The following DGKB variants were observed in gnomAD, a reference collection of about 807,000 sequenced individuals.
The protein encoded by DGKB is 90 kDa diacylglycerol kinase.
In DGKB, 67 loss-of-function variants were observed where a neutral mutation model predicts 114.3. The ratio of observed to expected loss-of-function variants is 0.59; its 90% CI spans 0.48 to 0.72. The LOEUF (loss-of-function observed/expected upper bound fraction) is 0.72, where lower values mean the gene tolerates loss of function less well. Ranked by LOEUF, DGKB falls within the 30% of genes least tolerant of loss-of-function variation. The pLI, the probability that DGKB is intolerant of heterozygous loss-of-function variation, is 0.00. For synonymous variants in DGKB, 398 were observed against 323.1 expected, an observed-to-expected ratio of 1.23 and a Z score of -2.49; for missense variants, 907 against 975.2, an observed-to-expected ratio of 0.93 and a Z score of 0.93.
intron 23 of DGKB, among the ~76,000 whole-genome samples, chr7:14,214,666 A>G (rs1788676076): frequency 6.6e-6 from 1 of 152,142 alleles, no homozygotes; most frequent in Admixed American, 6.6e-5. Flanking sequence ...GCTCTCTCCT[A>G]TTACATAATT....
intron 23 of DGKB, among the ~76,000 whole-genome samples, chr7:14,303,228 TA>T (rs1803861799): frequency 6.6e-6 from 1 of 152,186 alleles, no homozygotes; most frequent in African/African-American, 2.4e-5. Flanking sequence ...AAAGTTTTCG[TA>T]ATGATACAAG....
chr7:14,413,079 G>T (rs542629649), intron 21 of DGKB, among the ~76,000 whole-genome samples: 2 of 152,196 alleles, frequency 1.3e-5, no homozygotes, highest in East Asian at 3.9e-4. Context: ...GGAGTGAAAT[G>T]GAATGAAGTG....
intron 1 of DGKB, among the ~76,000 whole-genome samples, chr7:14,948,293 T>C (rs1357126026): frequency 6.6e-6 from 1 of 151,840 alleles, no homozygotes; most frequent in Non-Finnish European, 1.5e-5. Flanking sequence ...GAATTTTCCT[T>C]GTAAAATTTC....
intron 1 of DGKB, among the ~76,000 whole-genome samples, chr7:14,924,362 T>A (rs953282521): frequency 1.3e-5 from 2 of 152,210 alleles, no homozygotes; most frequent in Admixed American, 6.5e-5. Context: ...AATTTCACTA[T>A]GAAATTGGTT....
At chr7:14,819,622 G>A (rs1019737560) in intron 2 of DGKB, among the ~76,000 whole-genome samples, 4 of 152,020 alleles carry the variant, frequency 2.6e-5, no homozygotes, top group Non-Finnish European at 2.9e-5. Context: ...AATAATAATT[G>A]CTAGTACTAC....
chr7:14,305,912 G>C (rs1208060234), intron 23 of DGKB, among the ~76,000 whole-genome samples: 1 of 152,122 alleles, frequency 6.6e-6, no homozygotes, highest in Admixed American at 6.5e-5. Context: ...TTTTCCAAAA[G>C]ATTAATGTTG....
At chr7:14,776,539 C>T (rs1205741241) in intron 2 of DGKB, among the ~76,000 whole-genome samples, 3 of 152,176 alleles carry the variant, frequency 2.0e-5, no homozygotes, top group African/African-American at 7.2e-5. Flanking sequence ...CTAAAAGGGG[C>T]CAAGGTATGA....
chr7:14,474,645 TC>T (rs1781900050), intron 21 of DGKB, among the ~76,000 whole-genome samples: 3 of 152,084 alleles, frequency 2.0e-5, no homozygotes, highest in African/African-American at 7.2e-5. Flanking sequence ...ATTATTAATA[TC>T]CTTTTTTTCA....
At chr7:14,668,155 A>G (rs1818362098) in intron 13 of DGKB, among the ~76,000 whole-genome samples, 2 of 152,098 alleles carry the variant, frequency 1.3e-5, no homozygotes, top group African/African-American at 2.4e-5. Context: ...GTTGGGGTGT[A>G]CAGAAAGGAG....
In DGKB at chr7:14,504,276, T is replaced by G. The variant is rs529850651; in HGVS notation, c.1771-26051A>C. On this transcript the variant is annotated intron_variant, in intron 20 of 25. Coordinates refer to ENST00000402815, the MANE Select transcript of DGKB (RefSeq NM_001350709.2). ...TGTAAACCAACAAACAGAGAGGCTC[T>G]GTGTATGGAGTAGCTGGTTTGGATA... Among the ~76,000 whole-genome samples, 140 of 152,290 alleles carry G rather than the reference T, an allele frequency of 9.2e-4. 4 individuals carry two copies. Among genetic ancestry groups the G allele is most frequent in the Admixed American group, 9.2e-3 (140 of 15,288 alleles).
At chr7:14,279,309 G>A (rs919478717) in intron 23 of DGKB, among the ~76,000 whole-genome samples, 3 of 152,176 alleles carry the variant, frequency 2.0e-5, no homozygotes, top group Non-Finnish European at 4.4e-5. Context: ...GGGGGGAGGG[G>A]CGCCCACCAT....
At chr7:14,435,743 T>C (rs1014553197) in intron 21 of DGKB, among the ~76,000 whole-genome samples, 1 of 152,092 alleles carries the variant, frequency 6.6e-6, no homozygotes, top group Non-Finnish European at 1.5e-5. Flanking sequence ...AATTGAATAG[T>C]TGGTTTTATC....
At chr7:14,805,569 A>C (rs1357647534) in intron 2 of DGKB, among the ~76,000 whole-genome samples, 1 of 152,060 alleles carries the variant, frequency 6.6e-6, no homozygotes, top group Non-Finnish European at 1.5e-5. Context: ...TATTTGAACA[A>C]AAAGCAAAGT....
At chr7:14,561,354 G>A (rs1299777289) in intron 20 of DGKB, among the ~76,000 whole-genome samples, 3 of 152,126 alleles carry the variant, frequency 2.0e-5, no homozygotes, top group African/African-American at 7.2e-5. Context: ...AAATTACACA[G>A]TCTCAGGTAT....
intron 1 of DGKB, among the ~76,000 whole-genome samples, chr7:14,952,613 AGGCATGGT>A (rs1786268805): frequency 6.6e-6 from 1 of 151,854 alleles, no homozygotes; most frequent in African/African-American, 2.4e-5. Flanking sequence ...AAAATTAGCC[AGGCATGGT>A]GGCGCACGTC....
intron 23 of DGKB, among the ~76,000 whole-genome samples, chr7:14,209,834 A>G (rs1402257099): frequency 6.6e-6 from 1 of 151,376 alleles, no homozygotes; most frequent in Admixed American, 6.6e-5. Context: ...TTATTTTATC[A>G]TTATATTATC....
At chr7:14,840,730 ACACACAC>A (rs908538055) in intron 2 of DGKB, among the ~76,000 whole-genome samples, 2 of 147,956 alleles carry the variant, frequency 1.4e-5, no homozygotes, top group Non-Finnish European at 3.0e-5. Flanking sequence ...ACACACACAC[ACACACAC>A]ACACACACCT....
chr7:14,760,413 C>T (rs777227863), intron 2 of DGKB, among the ~76,000 whole-genome samples: 1 of 151,998 alleles, frequency 6.6e-6, no homozygotes, highest in African/African-American at 2.4e-5. Context: ...ACAATAATTG[C>T]TTCTATATGT....
At chr7:14,655,870 C>T (rs1815678665) in intron 13 of DGKB, among the ~76,000 whole-genome samples, 1 of 151,382 alleles carries the variant, frequency 6.6e-6, no homozygotes, top group Non-Finnish European at 1.5e-5. Flanking sequence ...TTTTCAGAGG[C>T]TGAGAAGTTA....
Sources: gnomAD v4.1 joint callset for allele counts (sites outside exome capture counted in the v4.1 genomes callset) on GRCh38, gnomAD v4.1.1 for gene constraint, MANE v1.5 for transcripts, NCBI Gene and HGNC (gene_info 2026-07-23, HGNC 2026-07-21) for gene names.